The following ADAMTSL1 variants were observed in gnomAD, a reference collection of about 807,000 sequenced individuals.
ADAMTSL1 encodes ADAMTS-like protein 1.
In ADAMTSL1, 126 loss-of-function variants were observed where a neutral mutation model predicts 201.8. That is an observed-to-expected ratio of 0.62 (90% CI 0.54 to 0.72). The LOEUF (loss-of-function observed/expected upper bound fraction) is 0.72, where lower values mean the gene tolerates loss of function less well. Among genes scored for constraint, ADAMTSL1 ranks in the 30% least tolerant of loss-of-function variants. ADAMTSL1 has a pLI of 0.00. For missense variants in ADAMTSL1, 2,679 were observed against 2,277.8 expected (o/e 1.18, Z -3.59); for synonymous variants, 1,121 against 903.4 (o/e 1.24, Z -4.32).
At chr9:18,317,858 G>A (rs974952940) in intron 2 of ADAMTSL1, among the ~76,000 whole-genome samples, 1 of 152,170 alleles carries the variant, frequency 6.6e-6, no homozygotes, top group Admixed American at 6.5e-5. Context: ...CACCAGAGCT[G>A]AATTTTCCTC....
At chr9:18,238,097 C>A (rs551661516) in intron 2 of ADAMTSL1, among the ~76,000 whole-genome samples, 1 of 152,302 alleles carries the variant, frequency 6.6e-6, no homozygotes, top group South Asian at 2.1e-4. Flanking sequence ...GTCCACAGTT[C>A]TGACTTAGAT....
intron 2 of ADAMTSL1, among the ~76,000 whole-genome samples, chr9:18,519,337 AGT>A (rs1818546250): frequency 2.0e-5 from 3 of 152,194 alleles, no homozygotes; most frequent in Admixed American, 2.0e-4. Context: ...GTAAGAACCT[AGT>A]GTAGTGCTCG....
chr9:18,033,070 A>G (rs574416541), intron 1 of ADAMTSL1, among the ~76,000 whole-genome samples: 4 of 152,132 alleles, frequency 2.6e-5, no homozygotes, highest in East Asian at 1.9e-4. Flanking sequence ...TCCCTTCCCA[A>G]TCTTATTTTA....
At chr9:18,704,338 GTTCCTAAA>G (rs1289611491) in intron 13 of ADAMTSL1, among the ~76,000 whole-genome samples, 1 of 152,140 alleles carries the variant, frequency 6.6e-6, no homozygotes, top group African/African-American at 2.4e-5. Flanking sequence ...TGTTATAATG[GTTCCTAAA>G]GAGGGCTCTT....
chr9:18,390,306 C>T (rs1373794363), intron 2 of ADAMTSL1, among the ~76,000 whole-genome samples: 3 of 152,170 alleles, frequency 2.0e-5, no homozygotes. Flanking sequence ...TCATGACACA[C>T]TGACACGTAG....
intron 1 of ADAMTSL1, among the ~76,000 whole-genome samples, chr9:18,150,177 G>T (rs1563769228): frequency 6.6e-6 from 1 of 151,972 alleles, no homozygotes; most frequent in Non-Finnish European, 1.5e-5. Context: ...TGTTTCCACG[G>T]TTATGAAAAA....
intron 1 of ADAMTSL1, among the ~76,000 whole-genome samples, chr9:17,927,400 A>C (rs1026040133): frequency 9.2e-5 from 14 of 152,202 alleles, no homozygotes; most frequent in Non-Finnish European, 1.5e-4. Context: ...ACGTACATAT[A>C]TACATATGTA....
chr9:17,946,105 TG>T (rs1827463738), intron 1 of ADAMTSL1, among the ~76,000 whole-genome samples: 1 of 120,352 alleles, frequency 8.3e-6, no homozygotes. Flanking sequence ...TGTGTGTGTG[TG>T]TGTGTACAAA....
chr9:18,509,256 G>A (rs1229277099), intron 2 of ADAMTSL1, among the ~76,000 whole-genome samples: 1 of 133,370 alleles, frequency 7.5e-6, no homozygotes, highest in African/African-American at 2.7e-5. Flanking sequence ...TCTGGGATAT[G>A]TGCTCAGCTT....
chr9:18,305,234 G>T (rs1355798590), intron 2 of ADAMTSL1, among the ~76,000 whole-genome samples: 1 of 152,334 alleles, frequency 6.6e-6, no homozygotes, highest in South Asian at 2.1e-4. Context: ...TCCCTTGGCT[G>T]CCTACGCCAC....
chr9:18,889,402 T>C (rs1829099592), intron 24 of ADAMTSL1, among the ~76,000 whole-genome samples, 166 bp from the exon 25 acceptor site: 1 of 152,196 alleles, frequency 6.6e-6, no homozygotes, highest in South Asian at 2.1e-4. Flanking sequence ...CCCCAAATAG[T>C]TCGGGAATGG....
At chr9:18,122,402 G>T (rs967668242) in intron 1 of ADAMTSL1, among the ~76,000 whole-genome samples, 1 of 152,060 alleles carries the variant, frequency 6.6e-6, no homozygotes, top group African/African-American at 2.4e-5. Flanking sequence ...AGGCAAGAAG[G>T]GTCAGTTAAT....
intron 1 of ADAMTSL1, among the ~76,000 whole-genome samples, chr9:17,956,486 A>C (rs1827937099): frequency 6.6e-6 from 1 of 152,176 alleles, no homozygotes; most frequent in South Asian, 2.1e-4. Context: ...TAAAAGACTT[A>C]AAGAAAACAG....
intron 2 of ADAMTSL1, among the ~76,000 whole-genome samples, chr9:18,308,645 G>A (rs992484358): frequency 1.3e-5 from 2 of 152,012 alleles, no homozygotes; most frequent in South Asian, 2.1e-4. Flanking sequence ...GGAAGAAGTC[G>A]AATCCCTGAA....
At chr9:18,899,733 C>T (rs1829890822) in intron 26 of ADAMTSL1, among the ~76,000 whole-genome samples, 1 of 152,160 alleles carries the variant, frequency 6.6e-6, no homozygotes, top group African/African-American at 2.4e-5. Context: ...AACTGGCTAG[C>T]TGTATGCAGA....
intron 16 of ADAMTSL1, among the ~76,000 whole-genome samples, chr9:18,760,977 A>G (rs1468794532): frequency 1.3e-5 from 2 of 152,190 alleles, no homozygotes; most frequent in African/African-American, 4.8e-5. Flanking sequence ...CCCTCACTGG[A>G]CTGCAAATAT....
intron 1 of ADAMTSL1, among the ~76,000 whole-genome samples, chr9:18,086,794 T>C (rs942869809): frequency 6.6e-5 from 10 of 152,212 alleles, no homozygotes; most frequent in African/African-American, 2.2e-4. Context: ...CAGTGGCCCT[T>C]AATCAGGGAT....
At chr9:18,344,778 G>A (rs1835626248) in intron 2 of ADAMTSL1, among the ~76,000 whole-genome samples, 1 of 152,138 alleles carries the variant, frequency 6.6e-6, no homozygotes, top group Non-Finnish European at 1.5e-5. Context: ...GGAAACATCA[G>A]TAGCAACAGG....
intron 1 of ADAMTSL1, among the ~76,000 whole-genome samples, chr9:17,982,338 G>A (rs915648541): frequency 6.6e-6 from 1 of 152,194 alleles, no homozygotes; most frequent in Non-Finnish European, 1.5e-5. Flanking sequence ...AACCAGGCCA[G>A]GTGTGGTGGC....
Sources: gnomAD v4.1 joint callset for allele counts (sites outside exome capture counted in the v4.1 genomes callset) on GRCh38, gnomAD v4.1.1 for gene constraint, MANE v1.5 for transcripts, NCBI Gene and HGNC (gene_info 2026-07-23, HGNC 2026-07-21) for gene names.